The following BLTP3B variants were observed in gnomAD, a reference collection of about 807,000 sequenced individuals.
The protein encoded by BLTP3B is bridge-like lipid transfer protein family member 3B.
the BLTP3B span, chr12:100,051,205 TGAG>T: frequency 4.3e-6 from 7 of 1,610,908 alleles, no homozygotes; most frequent in South Asian, 4.4e-5. Flanking sequence ...AATTTGTAGT[TGAG>T]TTCTTTTTAT....
chr12:100,085,897 CTT>C, the BLTP3B span, among the ~76,000 whole-genome samples: 2 of 149,176 alleles, frequency 1.3e-5, no homozygotes, highest in Non-Finnish European at 3.0e-5. Context: ...GCTTCATACT[CTT>C]TTCTAATTTT....
chr12:100,084,458 C>T, the BLTP3B span: 8 of 1,598,674 alleles, frequency 5.0e-6, no homozygotes, highest in African/African-American at 4.1e-5. Flanking sequence ...TAGGGGAATG[C>T]TATTATAGGT....
At chr12:100,087,158 CAA>C in the BLTP3B span, among the ~76,000 whole-genome samples, 5 of 59,882 alleles carry the variant, frequency 8.3e-5, no homozygotes, top group Admixed American at 2.3e-4. Context: ...GACTCCATCT[CAA>C]AAAAAAAAAA....
At chr12:100,116,775 A>T in the BLTP3B span, among the ~76,000 whole-genome samples, 1 of 152,226 alleles carries the variant, frequency 6.6e-6, no homozygotes, top group Non-Finnish European at 1.5e-5. Flanking sequence ...TATAAAAGGC[A>T]TCTGGTTTTG....
At chr12:100,137,851 G>A in the BLTP3B span, among the ~76,000 whole-genome samples, 1 of 152,240 alleles carries the variant, frequency 6.6e-6, no homozygotes, top group South Asian at 2.1e-4. Context: ...GACTAATGGA[G>A]CAACAAGCCT....
chr12:100,128,589 G>A, the BLTP3B span: 8 of 1,254,488 alleles, frequency 6.4e-6, no homozygotes, highest in Non-Finnish European at 7.2e-6. Flanking sequence ...CCTGAGGGCA[G>A]GAAATTCAGA....
At chr12:100,105,364 T>C in the BLTP3B span, among the ~76,000 whole-genome samples, 1 of 151,446 alleles carries the variant, frequency 6.6e-6, no homozygotes, top group Non-Finnish European at 1.5e-5. Flanking sequence ...TGGAACAGAA[T>C]AGAGAACCAA....
the BLTP3B span, chr12:100,097,518 C>G: frequency 6.3e-7 from 1 of 1,592,582 alleles, no homozygotes; most frequent in South Asian, 1.2e-5. Context: ...AAGGAGAACA[C>G]AGAGATTAAC....
chr12:100,063,975 G>T, the BLTP3B span, among the ~76,000 whole-genome samples: 1 of 152,276 alleles, frequency 6.6e-6, no homozygotes, highest in Non-Finnish European at 1.5e-5. Flanking sequence ...CAGGAGGTTA[G>T]TTATTAGGCT....
chr12:100,111,277 A>ATTTT, the BLTP3B span, among the ~76,000 whole-genome samples: 329 of 94,710 alleles, frequency 3.5e-3, 1 homozygote, highest in African/African-American at 6.8e-3. Context: ...GGGGTTTTAG[A>ATTTT]TTTTTTTTTT....
the BLTP3B span, among the ~76,000 whole-genome samples, chr12:100,071,623 A>T: frequency 6.6e-6 from 1 of 152,206 alleles, no homozygotes; most frequent in Non-Finnish European, 1.5e-5. Flanking sequence ...TTAATATTCA[A>T]AGAATACAAA....
chr12:100,069,773 G>T, the BLTP3B span: 1 of 225,196 alleles, frequency 4.4e-6, no homozygotes, highest in Non-Finnish European at 7.4e-6. Flanking sequence ...CTGCTCCAGT[G>T]ATGGGTGCAG....
chr12:100,084,473 T>C, the BLTP3B span: 1 of 1,610,590 alleles, frequency 6.2e-7, no homozygotes, highest in Non-Finnish European at 8.5e-7. Flanking sequence ...ATAGGTAAAA[T>C]ACCTGTTTGT....
At chr12:100,064,512 G>A in the BLTP3B span, among the ~76,000 whole-genome samples, 2 of 152,230 alleles carry the variant, frequency 1.3e-5, no homozygotes, top group African/African-American at 2.4e-5. Flanking sequence ...TAAGATGAAG[G>A]AAAGACTCTT....
the BLTP3B span, among the ~76,000 whole-genome samples, chr12:100,080,104 T>C: frequency 6.6e-6 from 1 of 152,160 alleles, no homozygotes; most frequent in Non-Finnish European, 1.5e-5. Flanking sequence ...TAGGGCAGTG[T>C]GGAAGGGAAA....
the BLTP3B span, among the ~76,000 whole-genome samples, chr12:100,118,362 A>C: frequency 6.6e-6 from 1 of 152,084 alleles, no homozygotes; most frequent in Non-Finnish European, 1.5e-5. Context: ...ACTGCACTCC[A>C]GTCTGGGAGA....
At chr12:100,099,582 G>A in the BLTP3B span, among the ~76,000 whole-genome samples, 3 of 150,420 alleles carry the variant, frequency 2.0e-5, no homozygotes, top group East Asian at 2.0e-4. Context: ...TCTCGTATCC[G>A]TAGAAAATTT....
chr12:100,134,206 CATAAGCCAAAGG>C, the BLTP3B span, among the ~76,000 whole-genome samples: 2 of 152,148 alleles, frequency 1.3e-5, no homozygotes, highest in Admixed American at 1.3e-4. Flanking sequence ...TTGTTTATTG[CATAAGCCAAAGG>C]ATAACCACAA....
chr12:100,111,194 C>A, the BLTP3B span, among the ~76,000 whole-genome samples: 1 of 150,722 alleles, frequency 6.6e-6, no homozygotes, highest in Non-Finnish European at 1.5e-5. Flanking sequence ...AAATTCAAGT[C>A]ACAAAATTAT....
Sources: allele counts gnomAD v4.1 joint callset (sites outside exome capture counted in the v4.1 genomes callset), GRCh38; gene constraint gnomAD v4.1.1; transcripts MANE v1.5; gene names NCBI Gene and HGNC (gene_info 2026-07-23, HGNC 2026-07-21).